Variants in RHOU observed in about 807,000 individuals in gnomAD.
The protein encoded by RHOU is rho-related GTP-binding protein RhoU.
RHOU carries 8 observed loss-of-function variants against 12.6 expected under a neutral mutation model. The ratio of observed to expected loss-of-function variants is 0.64; its 90% CI spans 0.37 to 1.15. RHOU has a LOEUF of 1.15. Ranked by LOEUF, RHOU falls within the 50% of genes most tolerant of loss-of-function variation. The pLI is 0.01. For synonymous variants in RHOU, 161 were observed against 147.4 expected (o/e 1.09, Z -0.67); for missense variants, 258 against 347.0 (o/e 0.74, Z 2.04).
chr1:228,652,816 T>C, the RHOU span, among the ~76,000 whole-genome samples: 1 of 152,216 alleles, frequency 6.6e-6, no homozygotes, highest in African/African-American at 2.4e-5. Flanking sequence ...TACTTATATG[T>C]TTTGTTTCCC....
chr1:228,650,658 C>G, the RHOU span: 1 of 476,866 alleles, frequency 2.1e-6, no homozygotes, highest in South Asian at 1.5e-5. Context: ...ATGTAAAACT[C>G]GTTTCACTCG....
chr1:228,650,258 G>A, the RHOU span: 9 of 459,114 alleles, frequency 2.0e-5, no homozygotes, highest in Non-Finnish European at 3.9e-5. Flanking sequence ...TGGGTCGCTG[G>A]GTCGCTGGCG....
upstream of RHOU, among the ~76,000 whole-genome samples, chr1:228,734,190 CTT>C (rs5781517): frequency 1.5e-4 from 22 of 147,348 alleles, no homozygotes; most frequent in African/African-American, 5.0e-4. Flanking sequence ...GATTAAAATA[CTT>C]TTTTTTTTTT....
At chr1:228,741,418 GCC>G (rs1662718668) in intron 2 of RHOU, among the ~76,000 whole-genome samples, 1 of 152,112 alleles carries the variant, frequency 6.6e-6, no homozygotes, top group Non-Finnish European at 1.5e-5. Context: ...AGAAGTCCCA[GCC>G]CTTGTGCTTG....
Position 228,735,747 on chromosome 1 carries a change from C to T in RHOU, c.5C>T (p.Pro2Leu). Reference sequence around the variant, plus strand: ...CAAGCCCGCGCTCGCGGATCGATGCCCCCGCAGCAGGGGGACCCCGCGTTC... The same window carrying T: ...CAAGCCCGCGCTCGCGGATCGATGCTCCCGCAGCAGGGGGACCCCGCGTTC... M[P>L]PQQGDPAFPD... is the part of the protein sequence containing the mutation. Residue 2 changes from proline to leucine, a missense_variant, in exon 1 of 3, where the codon CCC becomes CTC. Coordinates refer to ENST00000366691, the MANE Select transcript of RHOU (RefSeq NM_021205.6). This position sits in a 1 kb window ranked among gnomAD's most constrained non-coding sequence, Gnocchi z 8.1. The T allele has an allele frequency of 8.3e-7, 1 of 1,206,732 alleles. No homozygotes were observed. The highest frequency in any genetic ancestry group is 1.0e-6 in the Non-Finnish European group (1 of 972,326). The allele number at this position is 1,206,732 out of a possible 1,614,324, so 74.8% of individuals were successfully genotyped here.
the RHOU span, among the ~76,000 whole-genome samples, chr1:228,708,176 G>A: frequency 2.0e-5 from 3 of 152,298 alleles, no homozygotes; most frequent in South Asian, 2.1e-4. Context: ...CCAAATCTAC[G>A]TCTGATTGGT....
chr1:228,697,443 C>T, the RHOU span, among the ~76,000 whole-genome samples: 10 of 152,170 alleles, frequency 6.6e-5, no homozygotes, highest in Non-Finnish European at 1.0e-4. Context: ...AGAGCGTTTC[C>T]AGCATCTGCT....
chr1:228,711,223 G>T, the RHOU span, among the ~76,000 whole-genome samples: 1 of 151,714 alleles, frequency 6.6e-6, no homozygotes, highest in African/African-American at 2.4e-5. Flanking sequence ...CGTGAAAATG[G>T]CCATACTGCC....
At chr1:228,724,439 C>T in the RHOU span, among the ~76,000 whole-genome samples, 6 of 152,146 alleles carry the variant, frequency 3.9e-5, no homozygotes, top group Non-Finnish European at 8.8e-5. Flanking sequence ...TATTGTCAAG[C>T]TAATTAACAT....
At chr1:228,664,529 AAC>A in the RHOU span, among the ~76,000 whole-genome samples, 2 of 152,200 alleles carry the variant, frequency 1.3e-5, no homozygotes, top group African/African-American at 4.8e-5. Context: ...GAAAAAACCC[AAC>A]AGTTTATTAA....
chr1:228,727,930 T>C, the RHOU span, among the ~76,000 whole-genome samples: 4 of 152,228 alleles, frequency 2.6e-5, no homozygotes, highest in East Asian at 7.7e-4. Context: ...TGGGGAACGT[T>C]TGGGAAAGTT....
upstream of RHOU, among the ~76,000 whole-genome samples, chr1:228,733,140 T>C (rs1662527455): frequency 6.6e-6 from 1 of 152,238 alleles, no homozygotes; most frequent in African/African-American, 2.4e-5. Context: ...CTTACAAACA[T>C]GGGAATTCAG....
chr1:228,691,936 T>C, the RHOU span, among the ~76,000 whole-genome samples: 54 of 152,350 alleles, frequency 3.5e-4, no homozygotes, highest in East Asian at 9.8e-3. Context: ...AAGTTTATTG[T>C]ACTTGGGAAT....
At chr1:228,662,115 C>T in the RHOU span, among the ~76,000 whole-genome samples, 3 of 152,182 alleles carry the variant, frequency 2.0e-5, no homozygotes, top group Non-Finnish European at 1.5e-5. Context: ...AAATGCAAAT[C>T]AAAACCACAA....
the RHOU span, among the ~76,000 whole-genome samples, chr1:228,726,664 C>CAAAA: frequency 9.8e-6 from 1 of 102,184 alleles, no homozygotes; most frequent in Non-Finnish European, 2.1e-5. Context: ...GACTCCATCT[C>CAAAA]AAAAAAAAAA....
the RHOU span, among the ~76,000 whole-genome samples, chr1:228,691,189 C>T: frequency 6.6e-6 from 1 of 152,156 alleles, no homozygotes; most frequent in Non-Finnish European, 1.5e-5. Flanking sequence ...CCAGGCCTCC[C>T]TCACTATCAG....
rs1201337842 is a variant in RHOU, at chr1:228,738,868, G to A, written c.321+1137G>A. Among the ~76,000 whole-genome samples the A allele has an allele frequency of 6.6e-6, 1 of 152,162 alleles. No homozygotes were observed. The highest frequency in any genetic ancestry group is 1.5e-5 in the Non-Finnish European group (1 of 68,038). On this transcript the variant is annotated intron_variant, in intron 2 of 2. Transcript: ENST00000366691. This position sits in a 1 kb window ranked among gnomAD's most constrained non-coding sequence, Gnocchi z 4.2. ...AATCAGGCTGGGTGTGGTGGCTCAT[G>A]CTCTTTGGGAGGCTGAGGTGGGAGG... is the stretch of plus-strand genomic sequence containing the variant.
the RHOU span, among the ~76,000 whole-genome samples, chr1:228,696,067 T>C: frequency 6.6e-6 from 1 of 152,228 alleles, no homozygotes; most frequent in African/African-American, 2.4e-5. Flanking sequence ...TATGTTAATA[T>C]TTAACAGTAT....
At chr1:228,701,141 G>C in the RHOU span, among the ~76,000 whole-genome samples, 1 of 152,148 alleles carries the variant, frequency 6.6e-6, no homozygotes, top group Non-Finnish European at 1.5e-5. Context: ...TTTGGATGCT[G>C]TATGGGCCCT....
Sources: gnomAD v4.1 joint callset for allele counts (sites outside exome capture counted in the v4.1 genomes callset) on GRCh38, gnomAD v4.1.1 for gene constraint, Gnocchi (gnomAD v3.1) non-coding constraint, MANE v1.5 for transcripts, NCBI Gene and HGNC (gene_info 2026-07-23, HGNC 2026-07-21) for gene names.